The following THOP1 variants were observed in gnomAD, a reference collection of about 807,000 sequenced individuals.
THOP1 encodes the protein thimet oligopeptidase 1.
A neutral mutation model predicts 71.8 loss-of-function variants in THOP1; 49 were observed. That is an observed-to-expected ratio of 0.68 (90% CI 0.54 to 0.87). The LOEUF (loss-of-function observed/expected upper bound fraction) is 0.87. Among genes scored for constraint, THOP1 ranks in the 40% least tolerant of loss-of-function variants. The pLI is 0.00. For missense variants in THOP1, 843 were observed against 975.6 expected, an observed-to-expected ratio of 0.86 and a Z score of 1.81; for synonymous variants, 426 against 421.5, an observed-to-expected ratio of 1.01 and a Z score of -0.13.
intron 12 of THOP1, among the ~76,000 whole-genome samples, chr19:2,812,770 G>A (rs993911789): frequency 2.0e-5 from 3 of 152,216 alleles, no homozygotes; most frequent in African/African-American, 7.2e-5. Flanking sequence ...CCTTTAGGGC[G>A]GCCCAGAGCG....
In THOP1 at chr19:2,790,527, C is replaced by G. The variant is rs886100328; in HGVS notation, c.123C>G (p.Ile41Met). ...TAGAGGAGCGCACCAGGGAGCTCAT[C>G]GAGCAGACCAAGCGCGTGTATGACC... ...QQIEERTREL[I>M]EQTKRVYDQV... Residue 41 changes from isoleucine to methionine, a missense_variant, in exon 2 of 13, where the codon ATC (isoleucine) becomes ATG (methionine). Ile to Met is a conservative substitution (Grantham distance 10, BLOSUM62 1). Coordinates refer to ENST00000307741, the MANE Select transcript of THOP1 (RefSeq NM_003249.5). 3.1e-6 allele frequency: 5 copies of G among 1,607,678 alleles called. No individual in the cohort carries two copies. Among genetic ancestry groups the G allele is most frequent in the Non-Finnish European group, 3.4e-6 (4 of 1,177,328 alleles).
At chr19:2,791,522 G>A (rs1915878812) in intron 2 of THOP1, among the ~76,000 whole-genome samples, 1 of 152,212 alleles carries the variant, frequency 6.6e-6, no homozygotes, top group South Asian at 2.1e-4. Flanking sequence ...AGCACCCCAA[G>A]CCTGCAGGTC....
chr19:2,804,875 GGTGGCC>G lies in THOP1; in HGVS notation c.590-140_590-135del. ...GGGGGATGTAAGAATTGCAGCGGGT[GGTGGCC>G]AGGCTGCAGCTGCTCGCTGAGGGCC... On this transcript the variant is annotated intron_variant, in intron 5 of 12. Transcript: ENST00000307741. The surrounding 1 kb of genome is among the most constrained non-coding windows in gnomAD (Gnocchi z 4.7). The G allele has an allele frequency of 1.3e-6, 1 of 768,016 alleles. No homozygotes were observed. The highest frequency in any genetic ancestry group is 2.0e-6 in the Non-Finnish European group (1 of 496,230). 47.6% of individuals were successfully genotyped at this position (768,016 alleles called of 1,614,324 possible).
intron 9 of THOP1, 50 bp downstream of exon 9, chr19:2,808,494 G>C: frequency 6.6e-7 from 1 of 1,523,448 alleles, no homozygotes; most frequent in Non-Finnish European, 8.8e-7. Flanking sequence ...GGCAGGGGCT[G>C]CCTGTGGTCA....
Position 2,805,324 on chromosome 19 carries a change from C to A in THOP1, c.750+148C>A. The A allele has an allele frequency of 2.0e-6, 2 of 996,478 alleles. No individual in the cohort carries two copies. The highest frequency in any genetic ancestry group is 1.4e-6 in the Non-Finnish European group (1 of 698,772). The allele number at this position is 996,478 out of a possible 1,614,324, so 61.7% of individuals were successfully genotyped here. On this transcript the variant is annotated intron_variant, in intron 6 of 12. Coordinates refer to ENST00000307741, the MANE Select transcript of THOP1 (RefSeq NM_003249.5). This position sits in a 1 kb window ranked among gnomAD's most constrained non-coding sequence, Gnocchi z 6.6. ...AGGCCCAGTGGCCAGCAGAGGCCTC[C>A]CTGTGGGGCTCTGCCGTGCCCTGGA...
intron 5 of THOP1, 82 bp downstream of exon 5, chr19:2,799,873 T>G: frequency 7.8e-7 from 1 of 1,288,406 alleles, no homozygotes; most frequent in Non-Finnish European, 1.1e-6. Context: ...GGGCCGCCGC[T>G]TCCTCCTGTG....
chr19:2,797,398 A>G (rs1043275771), intron 4 of THOP1, among the ~76,000 whole-genome samples: 17 of 152,194 alleles, frequency 1.1e-4, no homozygotes, highest in African/African-American at 4.1e-4. Flanking sequence ...CTGATTCACC[A>G]TGGTGTGTGT....
chr19:2,804,896 C>G lies in THOP1; in HGVS notation c.590-120C>G. 9.9e-7 allele frequency: 1 copy of G among 1,013,368 alleles called. No homozygotes were observed. Among genetic ancestry groups the G allele is most frequent in the East Asian group, 2.8e-5 (1 of 35,378 alleles). The allele number at this position is 1,013,368 out of a possible 1,614,324, so 62.8% of individuals were successfully genotyped here. A position where few individuals can be genotyped will look rare whatever the true frequency, so the allele number is the denominator to read the frequency against. On this transcript the variant is annotated intron_variant, in intron 5 of 12. Coordinates refer to ENST00000307741, the MANE Select transcript of THOP1 (RefSeq NM_003249.5). The surrounding 1 kb of genome is among the most constrained non-coding windows in gnomAD (Gnocchi z 4.7). ...GGGTGGTGGCCAGGCTGCAGCTGCT[C>G]GCTGAGGGCCCCCTTGTAGCTTTCC...
At chr19:2,806,055 T>G (rs944516348) in intron 6 of THOP1, 2 of 151,874 alleles carry the variant, frequency 1.3e-5, no homozygotes, top group Non-Finnish European at 2.9e-5. Flanking sequence ...GGCAGGGGGG[T>G]GCTCCTCGCT....
At chr19:2,811,335 A>G (rs1916455862) in intron 11 of THOP1, among the ~76,000 whole-genome samples, 1 of 152,196 alleles carries the variant, frequency 6.6e-6, no homozygotes, top group Non-Finnish European at 1.5e-5. Context: ...CGCAGTCTCA[A>G]AATGGGGACT....
In THOP1 at chr19:2,807,565, T is replaced by G. The variant is rs765221294; in HGVS notation, c.1010T>G (p.Met337Arg). The G allele has an allele frequency of 1.2e-6, 2 of 1,612,584 alleles. No individual in the cohort carries two copies. The highest frequency in any genetic ancestry group is 1.7e-6 in the Non-Finnish European group (2 of 1,179,844). ...GACGGCCGCATCCGTGCCTGGGACATGCGCTACTACATGAACCAGGTGGAG... is the reference window on the plus strand; with the variant it reads ...GACGGCCGCATCCGTGCCTGGGACAGGCGCTACTACATGAACCAGGTGGAG... ...PFDGRIRAWDMRYYMNQVEET... is the reference protein window; with the variant it reads ...PFDGRIRAWDRRYYMNQVEET... Residue 337 changes from methionine (M) to arginine (R), a missense_variant, in exon 8 of 13, where the codon ATG becomes AGG. Transcript: ENST00000307741.
In THOP1 at chr19:2,805,307, T is replaced by A. The variant is rs1916264161; in HGVS notation, c.750+131T>A. The stretch of plus-strand genomic sequence containing the variant: ...TCCCAATCTCCCTGGCCAGGCCCAG[T>A]GGCCAGCAGAGGCCTCCCTGTGGGG... On this transcript the variant is annotated intron_variant, in intron 6 of 12. Coordinates refer to ENST00000307741, the MANE Select transcript of THOP1 (RefSeq NM_003249.5). This position sits in a 1 kb window ranked among gnomAD's most constrained non-coding sequence, Gnocchi z 6.6. The A allele has an allele frequency of 8.6e-7, 1 of 1,161,930 alleles. No individual in the cohort carries two copies. The highest frequency in any genetic ancestry group is 1.2e-6 in the Non-Finnish European group (1 of 847,438). 72.0% of individuals were successfully genotyped at this position (1,161,930 alleles called of 1,614,324 possible). A position where few individuals can be genotyped will look rare whatever the true frequency, so the allele number is the denominator to read the frequency against.
chr19:2,798,114 T>C (rs541849943), intron 4 of THOP1, among the ~76,000 whole-genome samples: 170 of 152,288 alleles, frequency 1.1e-3, no homozygotes, highest in Non-Finnish European at 1.1e-3. Context: ...CTGCAACCTC[T>C]GCCTCCTATG....
chr19:2,794,088 C>T (rs147778011), intron 2 of THOP1, among the ~76,000 whole-genome samples: 36 of 151,564 alleles, frequency 2.4e-4, no homozygotes, highest in African/African-American at 7.5e-4. Flanking sequence ...CATTTCAACT[C>T]GCTGCAACCT....
rs1379550139 is a variant in THOP1 at position 2,807,977 on chromosome 19, T to C, written c.1253+169T>C. On this transcript the variant is annotated intron_variant, in intron 8 of 12. Transcript: ENST00000307741. ...ACACCACAGGGGCCGAAAATGCAGCTGTCCCCGTTTCCAGTCTCACTCAGC... is the reference window on the plus strand; with the variant it reads ...ACACCACAGGGGCCGAAAATGCAGCCGTCCCCGTTTCCAGTCTCACTCAGC... 6 of 865,696 alleles carry C rather than the reference T, an allele frequency of 6.9e-6. No homozygotes were observed. In the East Asian group the frequency reaches 1.7e-4, roughly 25 times the overall value. The allele number at this position is 865,696 out of a possible 1,614,324, so 53.6% of individuals were successfully genotyped here.
rs1916143959 is a variant in THOP1, at chr19:2,801,513, AG to A, written c.589+1725del. Among the ~76,000 whole-genome samples, 1 of 152,146 alleles carries A rather than the reference AG, an allele frequency of 6.6e-6. No homozygotes were observed. Among genetic ancestry groups the A allele is most frequent in the South Asian group, 2.1e-4 (1 of 4,822 alleles). On this transcript the variant is annotated intron_variant, in intron 5 of 12. Transcript: ENST00000307741. The surrounding 1 kb of genome is among the most constrained non-coding windows in gnomAD (Gnocchi z 5.1). ...GCTAGCGTGTTGGGTGACAGTCTCC[AG>A]GGCTGTCCGCTGCTGCTGCCCCGGG...
rs1916234232 is a variant in THOP1 at position 2,804,226 on chromosome 19, T to C, written c.590-790T>C. ...AACCCCAGAGGGTTTCAGTCCGGGA[T>C]GCTGCCGCCCCCACTTCTCTTGAGG... On this transcript the variant is annotated intron_variant, in intron 5 of 12. Coordinates refer to ENST00000307741, the MANE Select transcript of THOP1 (RefSeq NM_003249.5). The surrounding 1 kb of genome is among the most constrained non-coding windows in gnomAD (Gnocchi z 4.7). 6.6e-6 allele frequency among the ~76,000 whole-genome samples: 1 copy of C among 152,230 alleles called. No individual in the cohort carries two copies. The highest frequency in any genetic ancestry group is 2.1e-4 in the South Asian group (1 of 4,832).
At chr19:2,787,734 A>G (rs1487590222) in intron 1 of THOP1, among the ~76,000 whole-genome samples, 1 of 152,168 alleles carries the variant, frequency 6.6e-6, no homozygotes, top group Admixed American at 6.5e-5. Flanking sequence ...ACCTCTGGGG[A>G]CACTGGACGG....
At position 2,815,519 on chromosome 19, in the gene THOP1, C is replaced by T. The variant is rs900318189; in HGVS notation, c.*2243C>T. On this transcript the variant is annotated 3_prime_UTR_variant, in exon 13 of 13. Coordinates refer to ENST00000307741, the MANE Select transcript of THOP1 (RefSeq NM_003249.5). ...AGTCTCGGTCCAGGGCCCTGTTCCC[C>T]AGGGAGCTGGGCGTCCTCAGAGCCT... is the stretch of plus-strand genomic sequence containing the variant. 1 of 152,456 alleles carries T rather than the reference C, an allele frequency of 6.6e-6. No individual in the cohort carries two copies. Among genetic ancestry groups the T allele is most frequent in the Non-Finnish European group, 1.5e-5 (1 of 68,218 alleles). 9.4% of individuals were successfully genotyped at this position (152,456 alleles called of 1,614,324 possible).
Sources: gnomAD v4.1 joint callset for allele counts (sites outside exome capture counted in the v4.1 genomes callset) on GRCh38, gnomAD v4.1.1 for gene constraint, Gnocchi (gnomAD v3.1) non-coding constraint, MANE v1.5 for transcripts, NCBI Gene and HGNC (gene_info 2026-07-23, HGNC 2026-07-21) for gene names.